The following MYBPH variants were observed in gnomAD, a reference collection of about 807,000 sequenced individuals.
MYBPH encodes myosin-binding protein H.
MYBPH carries 49 observed loss-of-function variants against 53.6 expected under a neutral mutation model. The ratio of observed to expected loss-of-function variants is 0.91; its 90% CI spans 0.73 to 1.16. MYBPH has a LOEUF of 1.16. Among genes scored for constraint, MYBPH ranks in the 50% most tolerant of loss-of-function variants. MYBPH has a pLI of 0.00. For missense variants in MYBPH, 558 were observed against 624.1 expected (o/e 0.89, Z 1.13); for synonymous variants, 239 against 249.6 (o/e 0.96, Z 0.40).
intron 6 of MYBPH, among the ~76,000 whole-genome samples, chr1:203,170,661 C>G (rs140445030): frequency 0.013 from 1,938 of 152,234 alleles, 22 homozygotes; most frequent in South Asian, 0.052. Context: ...AATCCTAGAG[C>G]CTTTGTGTGC....
intron 9 of MYBPH, 39 bp from the exon 10 acceptor site, chr1:203,168,714 C>A (rs370013605): frequency 6.3e-7 from 1 of 1,575,916 alleles, no homozygotes; most frequent in South Asian, 1.1e-5. Context: ...GGGGAAGTGG[C>A]GGGGAACTGG....
Position 203,171,166 on chromosome 1 carries a change from C to T in MYBPH, c.828G>A (p.Leu276=). The T allele has an allele frequency of 1.9e-6, 3 of 1,611,280 alleles. No individual in the cohort carries two copies. The highest frequency in any genetic ancestry group is 1.7e-6 in the Non-Finnish European group (2 of 1,178,724). The change falls in exon 6 of 11, where the codon CTG becomes CTA. Residue 276 remains leucine, a synonymous_variant. Coordinates refer to ENST00000255416, the MANE Select transcript of MYBPH (RefSeq NM_004997.3). The surrounding 1 kb of genome is among the most constrained non-coding windows in gnomAD (Gnocchi z 4.2). ...KPGPPSSIRL[L]DVWGCNAALQ... ...GAGCAGCATTGCAGCCCCAGACGTC[C>T]AGGAGCCTGATGCTGCTGGGGGGTC...
At position 203,171,992 on chromosome 1, in the gene MYBPH, C is replaced by T. The variant is rs143856284; in HGVS notation, c.557G>A (p.Arg186His). ...VPRHLRQTYI[R>H]QVGETVNLQI... ...CAGGTTGACCGTCTCTCCCACCTGG[C>T]GGATGTAGGTCTGACGGAGGTGGCG... Residue 186 changes from arginine to histidine, a missense_variant, in exon 4 of 11, where the codon CGC becomes CAC. By Grantham distance (29) the Arg-to-His change is conservative (BLOSUM62 0). Transcript: ENST00000255416. This position sits in a 1 kb window ranked among gnomAD's most constrained non-coding sequence, Gnocchi z 4.2. 11 of 1,323,240 alleles carry T rather than the reference C, an allele frequency of 8.3e-6. No individual in the cohort carries two copies. In the Admixed American group the frequency reaches 9.0e-5, roughly 11 times the overall value. The allele number at this position is 1,323,240 out of a possible 1,614,324, so 82.0% of individuals were successfully genotyped here.
At position 203,171,945 on chromosome 1, in the gene MYBPH, T is replaced by C; in HGVS notation, c.597+7A>G. The C allele has an allele frequency of 7.6e-6, 10 of 1,320,768 alleles. No individual in the cohort carries two copies. The highest frequency in any genetic ancestry group is 8.8e-6 in the Non-Finnish European group (9 of 1,027,284). 81.8% of individuals were successfully genotyped at this position (1,320,768 alleles called of 1,614,324 possible). A position where few individuals can be genotyped will look rare whatever the true frequency, so the allele number is the denominator to read the frequency against. The stretch of plus-strand genomic sequence containing the variant: ...AGGCTGTTACCCTTGGTGGGGGTAA[T>C]ACCCACCTGGAAGGGGATTTGCAGG... On this transcript the variant is annotated splice_region_variant and intron_variant, in intron 4 of 10. Transcript: ENST00000255416. The surrounding 1 kb of genome is among the most constrained non-coding windows in gnomAD (Gnocchi z 4.2).
At chr1:203,173,827 G>A (rs1222013411) in intron 3 of MYBPH, among the ~76,000 whole-genome samples, 1 of 152,372 alleles carries the variant, frequency 6.6e-6, no homozygotes. Context: ...ATCAGCTCCG[G>A]GAGGGGAGCG....
In MYBPH at chr1:203,168,618, G is replaced by C; in HGVS notation, c.*32+9C>G. ...AGAGGTAACAGAGTGGGTGGGTCAGGCCATTTACCTGGCTCCTCATCACAG... is the reference window on the plus strand; with the variant it reads ...AGAGGTAACAGAGTGGGTGGGTCAGCCCATTTACCTGGCTCCTCATCACAG... On this transcript the variant is annotated intron_variant, in intron 10 of 10. Transcript: ENST00000255416. 1 of 1,550,584 alleles carries C rather than the reference G, an allele frequency of 6.4e-7. No homozygotes were observed. The highest frequency in any genetic ancestry group is 2.0e-5 in the Admixed American group (1 of 50,804).
intron 3 of MYBPH, 133 bp downstream of exon 3, chr1:203,174,297 C>T (rs565873357): frequency 2.8e-5 from 40 of 1,423,692 alleles, no homozygotes; most frequent in East Asian, 7.4e-5. Flanking sequence ...ATGGTGATAG[C>T]GTGTGGCTTG....
chr1:203,174,355 C>T, intron 3 of MYBPH, 75 bp downstream of exon 3: 1 of 1,494,780 alleles, frequency 6.7e-7, no homozygotes, highest in African/African-American at 1.4e-5. Flanking sequence ...TTCCCTCTAC[C>T]TGCTGGCCTC....
upstream of MYBPH, among the ~76,000 whole-genome samples, chr1:203,177,757 C>T (rs1655841851): frequency 6.6e-6 from 1 of 152,272 alleles, no homozygotes; most frequent in Non-Finnish European, 1.5e-5. Context: ...TGGCTGCCCA[C>T]AAGGGCTTGC....
chr1:203,174,309 G>A (rs868175730), intron 3 of MYBPH, 121 bp downstream of exon 3: 7 of 1,460,824 alleles, frequency 4.8e-6, no homozygotes, highest in Middle Eastern at 2.0e-4. Context: ...TGTGGCTTGT[G>A]CATGTGAGCG....
At position 203,171,361 on chromosome 1, in the gene MYBPH, C is replaced by T; in HGVS notation, c.793+22G>A. 2.5e-6 allele frequency: 4 copies of T among 1,604,008 alleles called. No individual in the cohort carries two copies. Among genetic ancestry groups the T allele is most frequent in the Non-Finnish European group, 3.4e-6 (4 of 1,174,332 alleles). On this transcript the variant is annotated intron_variant, in intron 5 of 10. Transcript: ENST00000255416. This position sits in a 1 kb window ranked among gnomAD's most constrained non-coding sequence, Gnocchi z 4.2. ...GGGCTCCAGGTCCCCCATGAGACAG[C>T]ACTGTTCCCCTGGCTCCATACCAAT...
chr1:203,179,021 T>C, upstream of MYBPH: 1 of 158,944 alleles, frequency 6.3e-6, no homozygotes, highest in Non-Finnish European at 1.4e-5. Flanking sequence ...AAGTGAAGGT[T>C]TCAAGCTGGG....
chr1:203,175,442 C>T lies in MYBPH; in HGVS notation c.225G>A (p.Leu75=). 1.3e-6 allele frequency: 2 copies of T among 1,575,774 alleles called. No homozygotes were observed. The highest frequency in any genetic ancestry group is 1.8e-5 in the Admixed American group (1 of 56,920). The change falls in exon 2 of 11, where the codon CTG becomes CTA. Residue 75 remains leucine (L), a synonymous_variant. Transcript: ENST00000255416. The part of the protein sequence containing the change: ...PPSEDVPSAP[L]LLTLDDVSSS... Reference sequence around the variant, plus strand: ...TGCTCACATCATCCAGGGTCAGCAGCAGTGGGGCACTGGGGACATCTGGGG... The same window carrying T: ...TGCTCACATCATCCAGGGTCAGCAGTAGTGGGGCACTGGGGACATCTGGGG...
intron 9 of MYBPH, 57 bp from the exon 10 acceptor site, chr1:203,168,732 A>G (rs1655634457): frequency 1.9e-6 from 3 of 1,597,516 alleles, no homozygotes; most frequent in Non-Finnish European, 1.7e-6. Context: ...TGGAAAGTTC[A>G]CGGTTATACA....
intron 3 of MYBPH, 64 bp from the exon 4 acceptor site, chr1:203,172,104 TG>T (rs1044104662): frequency 1.8e-4 from 184 of 1,039,208 alleles, no homozygotes; most frequent in Non-Finnish European, 3.8e-5. Context: ...GTTTCTGAGA[TG>T]GGGCAGGGGA....
Position 203,175,534 on chromosome 1 carries a change from G to T in MYBPH, c.205+17C>A. 3 of 1,613,194 alleles carry T rather than the reference G, an allele frequency of 1.9e-6. No individual in the cohort carries two copies. The highest frequency in any genetic ancestry group is 2.5e-6 in the Non-Finnish European group (3 of 1,179,508). On this transcript the variant is annotated intron_variant, in intron 1 of 10. Coordinates refer to ENST00000255416, the MANE Select transcript of MYBPH (RefSeq NM_004997.3). ...ACATGCCTGCCTCCCTCCTCCCCCT[G>T]CCCCACCTTCAGTCACCTTCACTTG...
chr1:203,174,226 G>A, intron 3 of MYBPH: 2 of 835,616 alleles, frequency 2.4e-6, no homozygotes, highest in Non-Finnish European at 2.9e-6. Context: ...TCAGGGAAAT[G>A]GCTTCTTAGA....
At position 203,169,236 on chromosome 1, in the gene MYBPH, AG is replaced by A. The variant is rs779944705; in HGVS notation, c.1230+16del. On this transcript the variant is annotated intron_variant, in intron 8 of 10. Transcript: ENST00000255416. ...TGCCCCCACCAGCCCAGGGCACAAC[AG>A]GGCCTGGCCCCTCACCTTGGGTGAA... 1 of 1,594,528 alleles carries A rather than the reference AG, an allele frequency of 6.3e-7. No individual in the cohort carries two copies. Among genetic ancestry groups the A allele is most frequent in the Non-Finnish European group, 8.5e-7 (1 of 1,170,380 alleles).
At position 203,174,297 on chromosome 1, in the gene MYBPH, C is replaced by A. The variant is rs565873357; in HGVS notation, c.508+133G>T. 1.9e-5 allele frequency: 27 copies of A among 1,423,810 alleles called. No individual in the cohort carries two copies. In the African/African-American group the frequency reaches 3.3e-4, roughly 17 times the overall value. The allele number at this position is 1,423,810 out of a possible 1,614,324, so 88.2% of individuals were successfully genotyped here. A position where few individuals can be genotyped will look rare whatever the true frequency, so the allele number is the denominator to read the frequency against. On this transcript the variant is annotated intron_variant, in intron 3 of 10. Coordinates refer to ENST00000255416, the MANE Select transcript of MYBPH (RefSeq NM_004997.3). Reference sequence around the variant, plus strand: ...CTTTCTTAAGGCAAGATGGTGATAGCGTGTGGCTTGTGCATGTGAGCGTGG... The same window carrying A: ...CTTTCTTAAGGCAAGATGGTGATAGAGTGTGGCTTGTGCATGTGAGCGTGG...
Sources: gnomAD v4.1 joint callset for allele counts (sites outside exome capture counted in the v4.1 genomes callset) on GRCh38, gnomAD v4.1.1 for gene constraint, Gnocchi (gnomAD v3.1) non-coding constraint, MANE v1.5 for transcripts, NCBI Gene and HGNC (gene_info 2026-07-23, HGNC 2026-07-21) for gene names.